LRFN2: variants seen among roughly 807,000 people sequenced by gnomAD.
The protein encoded by LRFN2 is leucine-rich repeat and fibronectin type-III domain-containing protein 2.
In LRFN2, 18 loss-of-function variants were observed where a neutral mutation model predicts 37.3. The observed-to-expected ratio is 0.48, with a 90% CI of 0.33 to 0.72. The LOEUF is 0.72. LRFN2 is among the 30% of genes least tolerant of loss of function. The pLI is 0.02. For synonymous variants in LRFN2, 556 were observed against 466.6 expected (o/e 1.19, Z -2.47); for missense variants, 1,006 against 1,060.7 (o/e 0.95, Z 0.72).
chr6:40,426,757 C>A (rs1763362885), intron 2 of LRFN2, among the ~76,000 whole-genome samples: 1 of 152,194 alleles, frequency 6.6e-6, no homozygotes, highest in Admixed American at 6.5e-5. Flanking sequence ...TAAACTTCTC[C>A]CATTTCACAT....
intron 1 of LRFN2, among the ~76,000 whole-genome samples, chr6:40,510,254 C>G (rs1765666677): frequency 1.3e-5 from 2 of 152,098 alleles, no homozygotes; most frequent in South Asian, 4.1e-4. Flanking sequence ...AACACTAGGC[C>G]ATGACGGGAA....
At chr6:40,490,075 G>T (rs746615304) in intron 1 of LRFN2, among the ~76,000 whole-genome samples, 3 of 152,172 alleles carry the variant, frequency 2.0e-5, no homozygotes, top group Non-Finnish European at 2.9e-5. Context: ...GCTCCAGGGG[G>T]AAGAAGGGCC....
chr6:40,470,751 C>T (rs1359674147), intron 1 of LRFN2, among the ~76,000 whole-genome samples: 1 of 152,258 alleles, frequency 6.6e-6, no homozygotes, highest in Non-Finnish European at 1.5e-5. Flanking sequence ...CCCCTTGCCT[C>T]AGCTCCTGCA....
intron 1 of LRFN2, among the ~76,000 whole-genome samples, chr6:40,532,492 G>A (rs1357350105): frequency 1.3e-5 from 2 of 152,208 alleles, no homozygotes. Context: ...GCTCAGAGAA[G>A]TTAAGTCACC....
intron 2 of LRFN2, among the ~76,000 whole-genome samples, chr6:40,416,499 C>A (rs2040582207): frequency 6.6e-6 from 1 of 152,230 alleles, no homozygotes; most frequent in Non-Finnish European, 1.5e-5. Context: ...TGAGCTTGAA[C>A]TGACCTTTTC....
chr6:40,392,101 C>G lies in LRFN2; in HGVS notation c.2212G>C (p.Val738Leu), dbSNP rs150683269. Residue 738 changes from valine (V) to leucine (L), a missense_variant, in exon 3 of 3, where the codon GTG (valine) becomes CTG (leucine). Around this residue, in one of 4 missense-constraint regions of LRFN2, gnomAD observed 398 missense variants for 327.6 expected, o/e 1.21. Coordinates refer to ENST00000338305, the MANE Select transcript of LRFN2 (RefSeq NM_020737.3). The surrounding 1 kb of genome is among the most constrained non-coding windows in gnomAD (Gnocchi z 4.7). ...CGAGGAGGACTGTAGCCGCCCGGCA[C>G]GACCCCTCCCGCCGCCGCAGCAGCA... Reference protein sequence around the residue: ...DFAAAAAGGVVPGGYSPPRKV... With the variant: ...DFAAAAAGGVLPGGYSPPRKV... 6.2e-7 allele frequency: 1 copy of G among 1,613,284 alleles called. No individual in the cohort carries two copies. Among genetic ancestry groups the G allele is most frequent in the Admixed American group, 1.7e-5 (1 of 59,970 alleles).
At chr6:40,521,356 A>T in intron 1 of LRFN2, among the ~76,000 whole-genome samples, 1 of 152,178 alleles carries the variant, frequency 6.6e-6, no homozygotes, top group East Asian at 1.9e-4. Context: ...AGGCACCTGT[A>T]AGCTGAGGCT....
intron 1 of LRFN2, among the ~76,000 whole-genome samples, chr6:40,529,540 G>A (rs1766311590): frequency 6.6e-6 from 1 of 152,214 alleles, no homozygotes; most frequent in Non-Finnish European, 1.5e-5. Flanking sequence ...CTGCTGCCAA[G>A]CCATCAAGTA....
intron 1 of LRFN2, among the ~76,000 whole-genome samples, chr6:40,540,519 G>A (rs1581785824): frequency 6.6e-6 from 1 of 152,232 alleles, no homozygotes; most frequent in East Asian, 1.9e-4. Context: ...AGGGGAGGAG[G>A]AGACAGTCAG....
chr6:40,568,153 T>C (rs1767122864), intron 1 of LRFN2, among the ~76,000 whole-genome samples: 1 of 152,192 alleles, frequency 6.6e-6, no homozygotes, highest in South Asian at 2.1e-4. Flanking sequence ...CTAAGAGAAA[T>C]ATGTACAGAT....
rs763995772 is a variant in LRFN2, at chr6:40,423,046, T to A, written c.1400+8668A>T. 2.4e-4 allele frequency among the ~76,000 whole-genome samples: 37 copies of A among 152,224 alleles called. 1 individual carries two copies. The highest frequency in any genetic ancestry group is 4.4e-5 in the Non-Finnish European group (3 of 68,036). On this transcript the variant is annotated intron_variant, in intron 2 of 2. Coordinates refer to ENST00000338305, the MANE Select transcript of LRFN2 (RefSeq NM_020737.3). ...TTTTTGAATCCCAGTGGTGTCACCT[T>A]CTTGAGGACAGTGAGAGAGGCAGGA...
chr6:40,445,486 G>A (rs1232731845), intron 1 of LRFN2, among the ~76,000 whole-genome samples: 1 of 152,208 alleles, frequency 6.6e-6, no homozygotes, highest in East Asian at 1.9e-4. Context: ...CTTGGAGGAG[G>A]TGGTGCTGAT....
chr6:40,559,486 T>C (rs1766953358), intron 1 of LRFN2, among the ~76,000 whole-genome samples: 2 of 152,090 alleles, frequency 1.3e-5, no homozygotes, highest in East Asian at 3.9e-4. Context: ...GTGGAGAGGC[T>C]AAGCTGGCCA....
intron 1 of LRFN2, among the ~76,000 whole-genome samples, chr6:40,576,785 A>G (rs1411614027): frequency 6.6e-6 from 1 of 152,078 alleles, no homozygotes; most frequent in African/African-American, 2.4e-5. Flanking sequence ...CTAAGCAGAC[A>G]GTGGCTGGGA....
At chr6:40,427,215 T>C (rs1763374068) in intron 2 of LRFN2, among the ~76,000 whole-genome samples, 1 of 152,248 alleles carries the variant, frequency 6.6e-6, no homozygotes, top group Non-Finnish European at 1.5e-5. Context: ...AGTACAGAAA[T>C]GGAACAGATG....
At position 40,432,335 on chromosome 6, in the gene LRFN2, T is replaced by G; in HGVS notation, c.779A>C (p.Asp260Ala). ...LLWLRRLERD[D>A]DLETCGSPGG... ...TGGGGAGCCACAGGTTTCCAGGTCA[T>G]CGTCCCGCTCGAGCCTCCGCAGCCA... The change falls in exon 2 of 3, where the codon GAT becomes GCT. Residue 260 changes from aspartate (D) to alanine (A), a missense_variant. By Grantham distance (126) the Asp-to-Ala change is moderately radical. This residue lies in a region of LRFN2 where 303 missense variants were observed against 299.8 expected (regional missense o/e 1.01). Transcript: ENST00000338305. 2 of 1,614,150 alleles carry G rather than the reference T, an allele frequency of 1.2e-6. No homozygotes were observed. The highest frequency in any genetic ancestry group is 2.2e-5 in the East Asian group (1 of 44,862).
intron 1 of LRFN2, among the ~76,000 whole-genome samples, chr6:40,482,417 C>A (rs1412485728): frequency 6.6e-6 from 1 of 152,102 alleles, no homozygotes; most frequent in African/African-American, 2.4e-5. Context: ...CCTCCACCAT[C>A]CTCAGGGGTG....
At chr6:40,554,331 G>A (rs1486163308) in intron 1 of LRFN2, among the ~76,000 whole-genome samples, 7 of 152,130 alleles carry the variant, frequency 4.6e-5, no homozygotes, top group African/African-American at 1.2e-4. Context: ...GGCTTCTCTC[G>A]TTGGGCCTCC....
rs537247956 is a variant in LRFN2, at chr6:40,486,255, T to G, written c.-18-53124A>C. 2.0e-5 allele frequency among the ~76,000 whole-genome samples: 3 copies of G among 151,976 alleles called. No individual in the cohort carries two copies. The South Asian group carries it at 6.2e-4, about 32-fold the overall frequency. ...TGAAATTGTGAGGTCTGAGGGGAGATAGTGTGCCGTCCACAGAGGATGAGC... is the reference window on the plus strand; with the variant it reads ...TGAAATTGTGAGGTCTGAGGGGAGAGAGTGTGCCGTCCACAGAGGATGAGC... On this transcript the variant is annotated intron_variant, in intron 1 of 2. Coordinates refer to ENST00000338305, the MANE Select transcript of LRFN2 (RefSeq NM_020737.3).
Sources: allele counts gnomAD v4.1 joint callset (sites outside exome capture counted in the v4.1 genomes callset), GRCh38; gene constraint gnomAD v4.1.1; regional missense constraint gnomAD v4.1.1; non-coding constraint Gnocchi (gnomAD v3.1); transcripts MANE v1.5; gene names NCBI Gene and HGNC (gene_info 2026-07-23, HGNC 2026-07-21).